Variants in MAP3K4 observed in about 807,000 individuals in gnomAD.
The protein encoded by MAP3K4 is mitogen-activated protein kinase kinase kinase 4.
In MAP3K4, 67 loss-of-function variants were observed where a neutral mutation model predicts 185.6. The ratio of observed to expected loss-of-function variants is 0.36; its 90% CI spans 0.30 to 0.44. MAP3K4 has a LOEUF of 0.44. Ranked by LOEUF, MAP3K4 falls within the 20% of genes least tolerant of loss-of-function variation. The probability of loss-of-function intolerance (pLI) is 1.00; values close to 1 mark genes in which losing one functional copy is unlikely to be tolerated. For synonymous variants in MAP3K4, 702 were observed against 710.4 expected (o/e 0.99, Z 0.19); for missense variants, 1,551 against 1,995.1 (o/e 0.78, Z 4.24).
chr6:161,035,458 G>C (rs569739741), intron 2 of MAP3K4, among the ~76,000 whole-genome samples: 9 of 152,278 alleles, frequency 5.9e-5, no homozygotes, highest in African/African-American at 2.2e-4. Context: ...TTCCTCAAGA[G>C]AGCAGGAGGG....
chr6:161,006,362 G>C (rs571468425), intron 1 of MAP3K4, among the ~76,000 whole-genome samples: 140 of 152,280 alleles, frequency 9.2e-4, no homozygotes, highest in African/African-American at 3.2e-3. Flanking sequence ...AAAAAAAATT[G>C]CTTCTGTGCT....
rs1184078024 is a variant in MAP3K4, at chr6:161,076,314, G to A, written c.2097+2702G>A. ...CGACAGAAGGAGCGCGAGCTATACCGCAGCCTTCTCTGGTTGTCAGGAAGA... is the reference window on the plus strand; with the variant it reads ...CGACAGAAGGAGCGCGAGCTATACCACAGCCTTCTCTGGTTGTCAGGAAGA... On this transcript the variant is annotated intron_variant, in intron 5 of 26. Transcript: ENST00000392142. This position sits in a 1 kb window ranked among gnomAD's most constrained non-coding sequence, Gnocchi z 4.2. Among the ~76,000 whole-genome samples the A allele has an allele frequency of 2.0e-5, 3 of 152,130 alleles. No homozygotes were observed. The highest frequency in any genetic ancestry group is 2.9e-5 in the Non-Finnish European group (2 of 68,036).
chr6:161,039,890 C>T (rs1783368380), intron 2 of MAP3K4, among the ~76,000 whole-genome samples: 2 of 152,298 alleles, frequency 1.3e-5, no homozygotes, highest in South Asian at 4.1e-4. Flanking sequence ...ATCATTATAA[C>T]CATGTTCCCT....
At chr6:161,023,147 A>C (rs1782481099) in intron 1 of MAP3K4, among the ~76,000 whole-genome samples, 1 of 152,202 alleles carries the variant, frequency 6.6e-6, no homozygotes, top group Non-Finnish European at 1.5e-5. Flanking sequence ...CATCTGTGTA[A>C]CACCTTATAA....
chr6:161,093,655 A>C lies in MAP3K4; in HGVS notation c.3349-118A>C, dbSNP rs1189229738. The C allele has an allele frequency of 9.8e-6, 6 of 610,504 alleles. No homozygotes were observed. The highest frequency in any genetic ancestry group is 1.7e-5 in the Non-Finnish European group (6 of 346,044). The allele number at this position is 610,504 out of a possible 1,614,324, so 37.8% of individuals were successfully genotyped here. A position where few individuals can be genotyped will look rare whatever the true frequency, so the allele number is the denominator to read the frequency against. On this transcript the variant is annotated intron_variant, in intron 14 of 26. Coordinates refer to ENST00000392142, the MANE Select transcript of MAP3K4 (RefSeq NM_005922.4). The surrounding 1 kb of genome is among the most constrained non-coding windows in gnomAD (Gnocchi z 5.2). ...TACCTATTTTCTTTTAAACTAACTG[A>C]AAATATTTTGGGTAGCATGTTTTTA...
chr6:161,089,351 G>A lies in MAP3K4; in HGVS notation c.2853G>A (p.Gln951=). ...ATAATCTTTTACTAGTTGTCATGCA[G>A]TCTGCGCATCTCACAATTCAGAGAA... The part of the protein sequence containing the change: ...QVDNLLLVVM[Q]SAHLTIQRKA... Residue 951 remains glutamine, a synonymous_variant, in exon 11 of 27, where the codon CAG becomes CAA. Coordinates refer to ENST00000392142, the MANE Select transcript of MAP3K4 (RefSeq NM_005922.4). 6.2e-7 allele frequency: 1 copy of A among 1,614,086 alleles called. No individual in the cohort carries two copies. Among genetic ancestry groups the A allele is most frequent in the Non-Finnish European group, 8.5e-7 (1 of 1,180,034 alleles).
rs181726800 is a variant in MAP3K4, at chr6:161,007,362, G to A, written c.152+15279G>A. Among the ~76,000 whole-genome samples the A allele has an allele frequency of 8.5e-4, 130 of 152,280 alleles. No homozygotes were observed. Among genetic ancestry groups the A allele is most frequent in the African/African-American group, 3.0e-3 (124 of 41,560 alleles). On this transcript the variant is annotated intron_variant, in intron 1 of 26. Coordinates refer to ENST00000392142, the MANE Select transcript of MAP3K4 (RefSeq NM_005922.4). This position sits in a 1 kb window ranked among gnomAD's most constrained non-coding sequence, Gnocchi z 4.5. The stretch of plus-strand genomic sequence containing the variant: ...GGAGAAACTTAGGGTTTTATAAAAC[G>A]TGGGAATTACTGAGGAAGATAGAGG...
Position 161,108,988 on chromosome 6 carries a change from T to G in MAP3K4, c.4236+129T>G. The G allele has an allele frequency of 6.2e-7, 1 of 1,604,588 alleles. No homozygotes were observed. Among genetic ancestry groups the G allele is most frequent in the South Asian group, 1.1e-5 (1 of 90,028 alleles). Reference sequence around the variant, plus strand: ...TTGCCTAATTCTCAGGAAATCTCCATGAGTTACATCATTTCTGCCTTCTCT... The same window carrying G: ...TTGCCTAATTCTCAGGAAATCTCCAGGAGTTACATCATTTCTGCCTTCTCT... On this transcript the variant is annotated intron_variant, in intron 22 of 26. Coordinates refer to ENST00000392142, the MANE Select transcript of MAP3K4 (RefSeq NM_005922.4). This position sits in a 1 kb window ranked among gnomAD's most constrained non-coding sequence, Gnocchi z 5.7.
intron 3 of MAP3K4, among the ~76,000 whole-genome samples, chr6:161,060,711 C>G (rs1408398532): frequency 6.6e-6 from 1 of 150,952 alleles, no homozygotes; most frequent in Non-Finnish European, 1.5e-5. Context: ...CCTGTGTCTC[C>G]CTGGCTCAAG....
chr6:161,071,925 C>A lies in MAP3K4; in HGVS notation c.1950+1075C>A, dbSNP rs1248952545. On this transcript the variant is annotated intron_variant, in intron 4 of 26. Transcript: ENST00000392142. The surrounding 1 kb of genome is among the most constrained non-coding windows in gnomAD (Gnocchi z 4.6). ...TGAAAGAAATACTTCAGAAATATAG[C>A]CTGGTAAAGCAAGGTGGAGTTTATC... Among the ~76,000 whole-genome samples, 1 of 152,116 alleles carries A rather than the reference C, an allele frequency of 6.6e-6. No homozygotes were observed. The highest frequency in any genetic ancestry group is 2.4e-5 in the African/African-American group (1 of 41,424).
In MAP3K4 at chr6:161,011,689, T is replaced by C. The variant is rs193009817; in HGVS notation, c.152+19606T>C. ...TGGCTCTTTGAATATCTGAGTCTTG[T>C]TTAACAGAGAACCAAAGGAGGAGTA... On this transcript the variant is annotated intron_variant, in intron 1 of 26. Transcript: ENST00000392142. Among the ~76,000 whole-genome samples, 6 of 152,270 alleles carry C rather than the reference T, an allele frequency of 3.9e-5. No homozygotes were observed. The East Asian group carries it at 1.2e-3, about 29-fold the overall frequency.
At position 161,101,153 on chromosome 6, in the gene MAP3K4, C is replaced by G. The variant is rs901398247; in HGVS notation, c.3675-739C>G. Reference sequence around the variant, plus strand: ...ATTCGAATTACAATTTTAACACATTCCCTATTTAGTTTTAATTTTTACTCT... The same window carrying G: ...ATTCGAATTACAATTTTAACACATTGCCTATTTAGTTTTAATTTTTACTCT... On this transcript the variant is annotated intron_variant, in intron 17 of 26. Transcript: ENST00000392142. The surrounding 1 kb of genome is among the most constrained non-coding windows in gnomAD (Gnocchi z 5.1). 4.9e-4 allele frequency: 74 copies of G among 152,240 alleles called. No homozygotes were observed. The highest frequency in any genetic ancestry group is 1.7e-3 in the African/African-American group (72 of 41,550). 9.4% of individuals were successfully genotyped at this position (152,240 alleles called of 1,614,324 possible). A position where few individuals can be genotyped will look rare whatever the true frequency, so the allele number is the denominator to read the frequency against.
At position 161,071,991 on chromosome 6, in the gene MAP3K4, A is replaced by G. The variant is rs1046396621; in HGVS notation, c.1950+1141A>G. ...TATTGTGAGGACTAAATAGTAATGT[A>G]TGTTGTAATACTTTGAAAAATAAAA... is the stretch of plus-strand genomic sequence containing the variant. On this transcript the variant is annotated intron_variant, in intron 4 of 26. Coordinates refer to ENST00000392142, the MANE Select transcript of MAP3K4 (RefSeq NM_005922.4). The surrounding 1 kb of genome is among the most constrained non-coding windows in gnomAD (Gnocchi z 4.6). Among the ~76,000 whole-genome samples the G allele has an allele frequency of 2.0e-5, 3 of 152,354 alleles. No individual in the cohort carries two copies. In the East Asian group the frequency reaches 5.8e-4, roughly 29 times the overall value.
chr6:161,033,365 A>AATTTT (rs1482206052), intron 1 of MAP3K4, among the ~76,000 whole-genome samples: 20 of 152,136 alleles, frequency 1.3e-4, no homozygotes, highest in Non-Finnish European at 2.9e-4. Flanking sequence ...TGTATCATTA[A>AATTTT]ATTTTATTTT....
chr6:161,026,390 C>A (rs978824694), intron 1 of MAP3K4, among the ~76,000 whole-genome samples: 27 of 152,138 alleles, frequency 1.8e-4, no homozygotes, highest in African/African-American at 6.0e-4. Context: ...CCTCCTTGGC[C>A]TCCCAAAGTG....
intron 1 of MAP3K4, among the ~76,000 whole-genome samples, chr6:161,012,311 C>T (rs556894134): frequency 6.6e-6 from 1 of 152,160 alleles, no homozygotes; most frequent in Non-Finnish European, 1.5e-5. Context: ...GCCCTTTCCT[C>T]TCTTTTCTTT....
chr6:161,030,454 T>A lies in MAP3K4; in HGVS notation c.153-3805T>A, dbSNP rs898279099. On this transcript the variant is annotated intron_variant, in intron 1 of 26. Transcript: ENST00000392142. ...GTATTTTTGTTTGTTTGTTTGTTTG[T>A]TTGATTGAGACAGGGTCTTGCTTTG... Among the ~76,000 whole-genome samples the A allele has an allele frequency of 4.9e-4, 74 of 152,128 alleles. 1 individual carries two copies. Among genetic ancestry groups the A allele is most frequent in the Admixed American group, 4.5e-3 (68 of 15,262 alleles).
At chr6:160,993,784 T>C (rs994052092) in intron 1 of MAP3K4, among the ~76,000 whole-genome samples, 3 of 152,142 alleles carry the variant, frequency 2.0e-5, no homozygotes, top group Admixed American at 2.0e-4. Context: ...GTCTGTGTTA[T>C]AATAAAAATA....
intron 3 of MAP3K4, among the ~76,000 whole-genome samples, chr6:161,058,944 G>A (rs1053608957): frequency 1.3e-5 from 2 of 152,048 alleles, no homozygotes; most frequent in African/African-American, 4.8e-5. Flanking sequence ...TTATTCTGTT[G>A]TTTTTGTAAG....
Sources: gnomAD v4.1 joint callset for allele counts (sites outside exome capture counted in the v4.1 genomes callset) on GRCh38, gnomAD v4.1.1 for gene constraint, Gnocchi (gnomAD v3.1) non-coding constraint, MANE v1.5 for transcripts, NCBI Gene and HGNC (gene_info 2026-07-23, HGNC 2026-07-21) for gene names.